The following CACNA2D3 variants were observed in gnomAD, a reference collection of about 807,000 sequenced individuals.
The protein encoded by CACNA2D3 is voltage-dependent calcium channel subunit alpha-2/delta-3.
In CACNA2D3, 60 loss-of-function variants were observed where a neutral mutation model predicts 160.6. The ratio of observed to expected loss-of-function variants is 0.37; its 90% CI spans 0.30 to 0.46. The LOEUF (loss-of-function observed/expected upper bound fraction) is 0.46. CACNA2D3 is among the 20% of genes least tolerant of loss of function. The pLI is 1.00. For missense variants in CACNA2D3, 1,205 were observed against 1,365.0 expected (o/e 0.88, Z 1.85); for synonymous variants, 558 against 492.9 (o/e 1.13, Z -1.75).
intron 13 of CACNA2D3, among the ~76,000 whole-genome samples, chr3:54,767,187 G>A (rs947602188): frequency 1.3e-5 from 2 of 151,926 alleles, no homozygotes; most frequent in African/African-American, 4.8e-5. Flanking sequence ...AGATTGGGGG[G>A]AAATTAAAAG....
intron 10 of CACNA2D3, among the ~76,000 whole-genome samples, chr3:54,636,658 T>TAAG (rs1346180411): frequency 2.0e-5 from 3 of 151,990 alleles, no homozygotes; most frequent in Non-Finnish European, 4.4e-5. Context: ...GGCTCTTGTG[T>TAAG]AAGAATTCTG....
At chr3:54,199,081 C>T (rs1701130250) in intron 2 of CACNA2D3, among the ~76,000 whole-genome samples, 1 of 152,192 alleles carries the variant, frequency 6.6e-6, no homozygotes, top group Non-Finnish European at 1.5e-5. Flanking sequence ...CCTTGACTCT[C>T]CTCCTAAGGC....
At chr3:54,719,736 GTA>G (rs1701134688) in intron 11 of CACNA2D3, among the ~76,000 whole-genome samples, 1 of 151,882 alleles carries the variant, frequency 6.6e-6, no homozygotes, top group Non-Finnish European at 1.5e-5. Flanking sequence ...TTCCTTAATT[GTA>G]TGGAAGAATT....
At chr3:54,925,773 T>C (rs867526909) in intron 27 of CACNA2D3, among the ~76,000 whole-genome samples, 2 of 152,326 alleles carry the variant, frequency 1.3e-5, no homozygotes, top group Middle Eastern at 3.4e-3. Flanking sequence ...TTTTTATTTG[T>C]ATTTCATTTT....
chr3:54,820,372 A>G (rs781317048), intron 14 of CACNA2D3, among the ~76,000 whole-genome samples: 2 of 152,166 alleles, frequency 1.3e-5, no homozygotes, highest in South Asian at 2.1e-4. Context: ...TCATGATTCT[A>G]ATATTTTGAG....
chr3:54,192,630 T>G (rs117288173), intron 2 of CACNA2D3, among the ~76,000 whole-genome samples: 1 of 151,982 alleles, frequency 6.6e-6, no homozygotes, highest in East Asian at 1.9e-4. Context: ...ACGAGAGCCA[T>G]GAAGTGGTCT....
chr3:54,650,131 G>C (rs926360499), intron 11 of CACNA2D3, among the ~76,000 whole-genome samples: 3 of 152,076 alleles, frequency 2.0e-5, no homozygotes, highest in African/African-American at 7.2e-5. Flanking sequence ...ATTTTCCTCA[G>C]TGAGCTAATT....
intron 12 of CACNA2D3, among the ~76,000 whole-genome samples, chr3:54,762,838 TC>T (rs1002429254): frequency 1.3e-5 from 2 of 152,156 alleles, no homozygotes; most frequent in African/African-American, 4.8e-5. Context: ...ATGCCTGTAA[TC>T]CCAGCACTTT....
At chr3:55,049,905 A>G (rs1345029464) in intron 35 of CACNA2D3, among the ~76,000 whole-genome samples, 1 of 150,712 alleles carries the variant, frequency 6.6e-6, no homozygotes, top group African/African-American at 2.5e-5. Context: ...AGTCTGTTTT[A>G]TCAGAGACTA....
intron 4 of CACNA2D3, among the ~76,000 whole-genome samples, chr3:54,405,861 A>T (rs948243769): frequency 6.6e-6 from 1 of 151,982 alleles, no homozygotes; most frequent in African/African-American, 2.4e-5. Flanking sequence ...AGCAAAAAAA[A>T]AAATGACCCA....
rs1491160047 is a variant in CACNA2D3 at position 54,822,790 on chromosome 3, C to CTTTCTTTCTTTT, written c.1398+5920_1398+5921insTTTCTTTCTTTT. Among the ~76,000 whole-genome samples the CTTTCTTTCTTTT allele has an allele frequency of 5.8e-3, 418 of 71,924 alleles. 10 individuals carry two copies. Among genetic ancestry groups the CTTTCTTTCTTTT allele is most frequent in the East Asian group, 0.017 (37 of 2,158 alleles). 47.2% of individuals were successfully genotyped at this position (71,924 alleles called of 152,430 possible). On this transcript the variant is annotated intron_variant, in intron 14 of 37. Transcript: ENST00000474759. Reference sequence around the variant, plus strand: ...TCTTTCTTTCTTTCTTTCTTTCTTTCCTTTCTTTCTTTCTTTCTTTCTTTC... The same window carrying CTTTCTTTCTTTT: ...TCTTTCTTTCTTTCTTTCTTTCTTTCTTTCTTTCTTTTCTTTCTTTCTTTCTTTCTTTCTTTC...
At chr3:54,175,452 TA>T (rs879931082) in intron 2 of CACNA2D3, among the ~76,000 whole-genome samples, 25 of 145,464 alleles carry the variant, frequency 1.7e-4, no homozygotes, top group Non-Finnish European at 1.7e-4. Context: ...CCGTCTCTAC[TA>T]AAAAAAAAAA....
chr3:54,257,531 G>A (rs1304077678), intron 2 of CACNA2D3, among the ~76,000 whole-genome samples: 3 of 152,112 alleles, frequency 2.0e-5, no homozygotes, highest in Non-Finnish European at 4.4e-5. Flanking sequence ...ATGTTGCACA[G>A]CTGCTGTTCC....
chr3:54,648,669 A>T (rs1001030951), intron 11 of CACNA2D3, among the ~76,000 whole-genome samples: 1 of 152,224 alleles, frequency 6.6e-6, no homozygotes, highest in South Asian at 2.1e-4. Flanking sequence ...TGGGTAATTT[A>T]TAAAGAAAAG....
At chr3:54,807,792 C>G (rs1703172241) in intron 13 of CACNA2D3, among the ~76,000 whole-genome samples, 1 of 151,776 alleles carries the variant, frequency 6.6e-6, no homozygotes, top group Non-Finnish European at 1.5e-5. Flanking sequence ...ATAGCAAAGA[C>G]TTGGAACCAA....
chr3:54,677,610 GT>G lies in CACNA2D3; in HGVS notation c.1167+35379del, dbSNP rs1223720791. Reference sequence around the variant, plus strand: ...AAACAATGATATTTGAATAGTTTTTGTTTTTTTTTTGGGGGGGGGGCAACGT... The same window carrying G: ...AAACAATGATATTTGAATAGTTTTTGTTTTTTTTTGGGGGGGGGGCAACGT... On this transcript the variant is annotated intron_variant, in intron 11 of 37. Transcript: ENST00000474759. Among the ~76,000 whole-genome samples the G allele has an allele frequency of 1.0e-3, 123 of 122,784 alleles. 1 individual carries two copies. Among genetic ancestry groups the G allele is most frequent in the Middle Eastern group, 8.5e-3 (2 of 234 alleles). The allele number at this position is 122,784 out of a possible 152,430, so 80.6% of individuals were successfully genotyped here. A position where few individuals can be genotyped will look rare whatever the true frequency, so the allele number is the denominator to read the frequency against.
intron 4 of CACNA2D3, among the ~76,000 whole-genome samples, chr3:54,467,545 C>G (rs1206792373): frequency 1.3e-5 from 2 of 152,184 alleles, no homozygotes; most frequent in Non-Finnish European, 2.9e-5. Flanking sequence ...GTGTCCTCAT[C>G]TGCAAAATGG....
chr3:54,620,122 TG>T (rs1353685860), intron 9 of CACNA2D3, among the ~76,000 whole-genome samples: 3 of 152,256 alleles, frequency 2.0e-5, no homozygotes, highest in African/African-American at 7.2e-5. Flanking sequence ...TGAGCTTATC[TG>T]GAAGTCTCAC....
At chr3:54,733,636 A>G (rs1407508598) in intron 11 of CACNA2D3, among the ~76,000 whole-genome samples, 1 of 152,224 alleles carries the variant, frequency 6.6e-6, no homozygotes, top group Non-Finnish European at 1.5e-5. Context: ...GTAGCTAATT[A>G]GAGCAGGGTA....
Sources: allele counts gnomAD v4.1 joint callset (sites outside exome capture counted in the v4.1 genomes callset), GRCh38; gene constraint gnomAD v4.1.1; transcripts MANE v1.5; gene names NCBI Gene and HGNC (gene_info 2026-07-23, HGNC 2026-07-21).